The following CD58 variants were observed in gnomAD, a reference collection of about 807,000 sequenced individuals.
The protein encoded by CD58 is CD58 molecule, also known as lymphocyte function-associated antigen 3.
CD58 carries 14 observed loss-of-function variants against 27.6 expected under a neutral mutation model. The observed-to-expected ratio is 0.51, with a 90% CI of 0.34 to 0.79. CD58 has a LOEUF of 0.79. CD58 is among the 30% of genes least tolerant of loss of function. The probability of loss-of-function intolerance (pLI) is 0.02; values close to 1 mark genes in which losing one functional copy is unlikely to be tolerated. For synonymous variants in CD58, 117 were observed against 103.8 expected, an observed-to-expected ratio of 1.13 and a Z score of -0.77; for missense variants, 268 against 301.7, an observed-to-expected ratio of 0.89 and a Z score of 0.83.
intron 1 of CD58, among the ~76,000 whole-genome samples, chr1:116,567,479 T>TA (rs1360352463): frequency 1.3e-5 from 2 of 150,882 alleles, no homozygotes; most frequent in Non-Finnish European, 3.0e-5. Flanking sequence ...CTACAAAAAC[T>TA]AAAAAAAAAT....
intron 2 of CD58, among the ~76,000 whole-genome samples, chr1:116,539,917 G>T (rs1236030620): frequency 6.6e-6 from 1 of 152,152 alleles, no homozygotes; most frequent in Non-Finnish European, 1.5e-5. Flanking sequence ...TTAATGAATT[G>T]AGTTCACTGC....
Position 116,519,138 on chromosome 1 carries a change from C to A in CD58, c.743+93G>T. 1 of 1,579,506 alleles carries A rather than the reference C, an allele frequency of 6.3e-7. No individual in the cohort carries two copies. Among genetic ancestry groups the A allele is most frequent in the Non-Finnish European group, 8.6e-7 (1 of 1,160,090 alleles). ...TCTTATTACTGTACAAGGCAACCAACAGATGAGTACAATCTGGCTTCCCAA... is the reference window on the plus strand; with the variant it reads ...TCTTATTACTGTACAAGGCAACCAAAAGATGAGTACAATCTGGCTTCCCAA... On this transcript the variant is annotated intron_variant, in intron 5 of 5. Coordinates refer to ENST00000369489, the MANE Select transcript of CD58 (RefSeq NM_001779.3). The surrounding 1 kb of genome is among the most constrained non-coding windows in gnomAD (Gnocchi z 4.7).
chr1:116,567,104 T>C (rs1248724293), intron 1 of CD58, among the ~76,000 whole-genome samples: 1 of 150,260 alleles, frequency 6.7e-6, no homozygotes, highest in African/African-American at 2.5e-5. Context: ...TGTGTCACTA[T>C]ACTCTAGCCT....
In CD58 at chr1:116,536,202, A is replaced by T; in HGVS notation, c.391T>A (p.Cys131Ser). The T allele has an allele frequency of 6.2e-7, 1 of 1,611,976 alleles. No homozygotes were observed. The highest frequency in any genetic ancestry group is 1.1e-5 in the South Asian group (1 of 91,022). Residue 131 changes from cysteine (C) to serine (S), a missense_variant, in exon 3 of 6, where the codon TGT (cysteine) becomes AGT (serine). By Grantham distance (112) the Cys-to-Ser change is moderately radical. Coordinates refer to ENST00000369489, the MANE Select transcript of CD58 (RefSeq NM_001779.3). This position sits in a 1 kb window ranked among gnomAD's most constrained non-coding sequence, Gnocchi z 5.4. ...TCAATGCTTCCATTAGTCAATGCACAAGTTAGTGTGGGAGATGGAAGAGAC... is the reference window on the plus strand; with the variant it reads ...TCAATGCTTCCATTAGTCAATGCACTAGTTAGTGTGGGAGATGGAAGAGAC... ...LESLPSPTLT[C>S]ALTNGSIEVQ... is the part of the protein sequence containing the mutation.
intron 3 of CD58, among the ~76,000 whole-genome samples, chr1:116,525,933 G>A (rs777662638): frequency 6.6e-6 from 1 of 152,192 alleles, no homozygotes; most frequent in Non-Finnish European, 1.5e-5. Flanking sequence ...TTACAGGTGT[G>A]AGCCACCGCA....
At chr1:116,543,606 C>T (rs1230145989) in intron 2 of CD58, among the ~76,000 whole-genome samples, 2 of 152,020 alleles carry the variant, frequency 1.3e-5, no homozygotes, top group African/African-American at 4.8e-5. Context: ...AGAAATGTGT[C>T]CCCTCTCTCT....
chr1:116,525,267 T>A (rs1292922037), intron 3 of CD58, among the ~76,000 whole-genome samples: 2 of 152,230 alleles, frequency 1.3e-5, no homozygotes, highest in Non-Finnish European at 2.9e-5. Context: ...TTCCAGAATG[T>A]CACATAGGTA....
rs954386678 is a variant in CD58, at chr1:116,559,480, C to T, written c.70+11423G>A. On this transcript the variant is annotated intron_variant, in intron 1 of 5. Coordinates refer to ENST00000369489, the MANE Select transcript of CD58 (RefSeq NM_001779.3). The surrounding 1 kb of genome is among the most constrained non-coding windows in gnomAD (Gnocchi z 4.4). Reference sequence around the variant, plus strand: ...AGATGCCTTGGTTGGGGCCATTCCTCTTTTTTCCTGATCGATTCCACCCTT... The same window carrying T: ...AGATGCCTTGGTTGGGGCCATTCCTTTTTTTTCCTGATCGATTCCACCCTT... Among the ~76,000 whole-genome samples, 3 of 152,182 alleles carry T rather than the reference C, an allele frequency of 2.0e-5. No homozygotes were observed. Among genetic ancestry groups the T allele is most frequent in the African/African-American group, 7.2e-5 (3 of 41,442 alleles).
rs1251771097 is a variant in CD58, at chr1:116,550,182, CAAT to C, written c.71-5581_71-5579del. Among the ~76,000 whole-genome samples, 4 of 152,164 alleles carry C rather than the reference CAAT, an allele frequency of 2.6e-5. No individual in the cohort carries two copies. The highest frequency in any genetic ancestry group is 7.2e-5 in the African/African-American group (3 of 41,434). Reference sequence around the variant, plus strand: ...GCTGTGGCAATTTCTTAAAAGAAGACAATGATGAGTTTTGCTGCATCAATGGAC... The same window carrying C: ...GCTGTGGCAATTTCTTAAAAGAAGACGATGAGTTTTGCTGCATCAATGGAC... On this transcript the variant is annotated intron_variant, in intron 1 of 5. Transcript: ENST00000369489. This position sits in a 1 kb window ranked among gnomAD's most constrained non-coding sequence, Gnocchi z 4.2.
rs1571054024 is a variant in CD58, at chr1:116,517,041, C to A, written c.743+2190G>T. 6.6e-6 allele frequency among the ~76,000 whole-genome samples: 1 copy of A among 152,092 alleles called. No individual in the cohort carries two copies. Among genetic ancestry groups the A allele is most frequent in the South Asian group, 2.1e-4 (1 of 4,818 alleles). ...AGGAAGGGATGAGTTCCAGAATGCC[C>A]ATCCCCTTTCCCCGTGGCCCTGGAT... is the stretch of plus-strand genomic sequence containing the variant. On this transcript the variant is annotated intron_variant, in intron 5 of 5. Transcript: ENST00000369489. This position sits in a 1 kb window ranked among gnomAD's most constrained non-coding sequence, Gnocchi z 6.5.
chr1:116,556,790 G>A (rs1658583340), intron 1 of CD58, among the ~76,000 whole-genome samples: 3 of 152,234 alleles, frequency 2.0e-5, no homozygotes, highest in African/African-American at 7.2e-5. Context: ...ATACCAGCGG[G>A]CCAAGTGTGA....
chr1:116,537,827 A>G (rs1557837120), intron 2 of CD58, among the ~76,000 whole-genome samples: 1 of 152,244 alleles, frequency 6.6e-6, no homozygotes, highest in Non-Finnish European at 1.5e-5. Flanking sequence ...ATATACAACA[A>G]TGGTCATGGT....
At position 116,521,689 on chromosome 1, in the gene CD58, G is replaced by T. The variant is rs907978859; in HGVS notation, c.706+217C>A. 6.5e-6 allele frequency: 3 copies of T among 462,466 alleles called. No individual in the cohort carries two copies. Among genetic ancestry groups the T allele is most frequent in the South Asian group, 2.2e-5 (1 of 44,836 alleles). 28.6% of individuals were successfully genotyped at this position (462,466 alleles called of 1,614,324 possible). ...CAGGCTGTGTTCCCAGGCCTGTAAA[G>T]CTCTCTGTGGCCTAAGGATTCATTC... On this transcript the variant is annotated intron_variant, in intron 4 of 5. Coordinates refer to ENST00000369489, the MANE Select transcript of CD58 (RefSeq NM_001779.3). This position sits in a 1 kb window ranked among gnomAD's most constrained non-coding sequence, Gnocchi z 5.6.
At chr1:116,555,793 C>T (rs754013091) in intron 1 of CD58, among the ~76,000 whole-genome samples, 6 of 152,058 alleles carry the variant, frequency 3.9e-5, no homozygotes, top group Non-Finnish European at 5.9e-5. Context: ...ATCTGGTCAC[C>T]GTTAACTATG....
chr1:116,537,896 G>A (rs1280389264), intron 2 of CD58, among the ~76,000 whole-genome samples: 1 of 152,140 alleles, frequency 6.6e-6, no homozygotes, highest in Non-Finnish European at 1.5e-5. Flanking sequence ...GAGCATTTAA[G>A]TAAATTTAGG....
At chr1:116,556,828 C>T (rs1045699175) in intron 1 of CD58, among the ~76,000 whole-genome samples, 1 of 152,170 alleles carries the variant, frequency 6.6e-6, no homozygotes, top group Non-Finnish European at 1.5e-5. Flanking sequence ...AGGACTTGCG[C>T]ACCAGTGAGC....
At chr1:116,544,640 C>A in intron 1 of CD58, 36 bp from the exon 2 acceptor site, 1 of 1,455,470 alleles carries the variant, frequency 6.9e-7, no homozygotes, top group Non-Finnish European at 9.3e-7. Flanking sequence ...GAAAAAACAA[C>A]ATGACTTTGG....
chr1:116,561,635 C>T (rs565774398), intron 1 of CD58, among the ~76,000 whole-genome samples: 58 of 152,252 alleles, frequency 3.8e-4, no homozygotes, highest in African/African-American at 1.4e-3. Flanking sequence ...ACAATGTATA[C>T]ATGTTGGATA....
At chr1:116,540,680 T>C (rs1034345798) in intron 2 of CD58, among the ~76,000 whole-genome samples, 2 of 152,230 alleles carry the variant, frequency 1.3e-5, no homozygotes, top group African/African-American at 4.8e-5. Context: ...TCAATATCAC[T>C]GCCTCCTGAT....
Sources: gnomAD v4.1 joint callset for allele counts (sites outside exome capture counted in the v4.1 genomes callset) on GRCh38, gnomAD v4.1.1 for gene constraint, Gnocchi (gnomAD v3.1) non-coding constraint, MANE v1.5 for transcripts, NCBI Gene and HGNC (gene_info 2026-07-23, HGNC 2026-07-21) for gene names.